The following FGGY variants were observed in gnomAD, a reference collection of about 807,000 sequenced individuals.
FGGY encodes the protein FGGY carbohydrate kinase domain-containing protein.
Under a neutral mutation model 71.3 loss-of-function variants are expected in FGGY, and 72 were observed. The observed-to-expected ratio is 1.01, with a 90% CI of 0.84 to 1.23. The LOEUF is 1.23. Among genes scored for constraint, FGGY ranks in the 50% most tolerant of loss-of-function variants. FGGY has a pLI of 0.00. For synonymous variants in FGGY, 251 were observed against 250.3 expected, an observed-to-expected ratio of 1.00 and a Z score of -0.02; for missense variants, 668 against 682.3, an observed-to-expected ratio of 0.98 and a Z score of 0.23.
chr1:59,594,114 A>C (rs2096490761), intron 8 of FGGY, among the ~76,000 whole-genome samples: 1 of 152,188 alleles, frequency 6.6e-6, no homozygotes, highest in Non-Finnish European at 1.5e-5. Flanking sequence ...TTGAGAACCC[A>C]GCAACCCTCA....
At chr1:59,304,645 G>C (rs1331391459) in intron 1 of FGGY, among the ~76,000 whole-genome samples, 6 of 151,814 alleles carry the variant, frequency 4.0e-5, no homozygotes, top group Non-Finnish European at 8.8e-5. Context: ...TGAATCTGCA[G>C]ATCACTTTGA....
intron 8 of FGGY, among the ~76,000 whole-genome samples, chr1:59,588,570 A>G (rs1400839357): frequency 1.3e-5 from 2 of 152,240 alleles, no homozygotes; most frequent in African/African-American, 4.8e-5. Flanking sequence ...AGGGAAGCCC[A>G]TCAGACTAAC....
chr1:59,718,001 G>T (rs1933213), intron 14 of FGGY, among the ~76,000 whole-genome samples: 118,522 of 152,022 alleles, frequency 0.78, 46,534 homozygotes, highest in Middle Eastern at 0.91. Context: ...CACACAGCTG[G>T]TATGTAGAGA....
chr1:59,596,228 T>G (rs924364722), intron 8 of FGGY, among the ~76,000 whole-genome samples: 1 of 152,060 alleles, frequency 6.6e-6, no homozygotes, highest in South Asian at 2.1e-4. Flanking sequence ...CACTTAACAT[T>G]TTTAGAAAAT....
chr1:59,300,993 AT>A (rs1391012815), intron 1 of FGGY, among the ~76,000 whole-genome samples: 1 of 152,138 alleles, frequency 6.6e-6, no homozygotes, highest in Non-Finnish European at 1.5e-5. Context: ...CACTTTGTCC[AT>A]TTCAAAATAA....
intron 9 of FGGY, among the ~76,000 whole-genome samples, chr1:59,612,090 G>T (rs893648607): frequency 6.6e-6 from 1 of 152,192 alleles, no homozygotes; most frequent in Non-Finnish European, 1.5e-5. Flanking sequence ...ATATTATCCA[G>T]AACTTCCCCA....
chr1:59,307,894 T>C (rs1369767034), intron 1 of FGGY, among the ~76,000 whole-genome samples: 1 of 152,196 alleles, frequency 6.6e-6, no homozygotes, highest in African/African-American at 2.4e-5. Flanking sequence ...AAACTATAGA[T>C]AGTTTGTTCC....
chr1:59,604,466 T>G (rs1044741146), intron 8 of FGGY, among the ~76,000 whole-genome samples: 1 of 152,158 alleles, frequency 6.6e-6, no homozygotes, highest in Non-Finnish European at 1.5e-5. Context: ...AGAGGTCAAC[T>G]CAAAACTTTC....
At chr1:59,468,583 A>G (rs2092768489) in intron 6 of FGGY, among the ~76,000 whole-genome samples, 1 of 152,152 alleles carries the variant, frequency 6.6e-6, no homozygotes. Context: ...TTGTAAGTAA[A>G]GAATCTTGGC....
At chr1:59,741,035 TTCAC>T (rs930637944) in intron 14 of FGGY, among the ~76,000 whole-genome samples, 3 of 152,216 alleles carry the variant, frequency 2.0e-5, no homozygotes, top group Non-Finnish European at 4.4e-5. Context: ...AATTCACCAG[TTCAC>T]TTACACTTTT....
chr1:59,552,744 C>T (rs1356237038), intron 7 of FGGY, among the ~76,000 whole-genome samples: 4 of 152,174 alleles, frequency 2.6e-5, no homozygotes, highest in African/African-American at 9.7e-5. Context: ...CACTGAAATA[C>T]TCCATTTAGG....
intron 11 of FGGY, among the ~76,000 whole-genome samples, chr1:59,657,030 T>G (rs897087292): frequency 2.0e-5 from 3 of 152,206 alleles, no homozygotes; most frequent in African/African-American, 7.2e-5. Context: ...ATACCAATGC[T>G]TTTTGGAAAT....
At chr1:59,637,461 C>T (rs148681331) in intron 10 of FGGY, among the ~76,000 whole-genome samples, 12 of 152,086 alleles carry the variant, frequency 7.9e-5, no homozygotes, top group East Asian at 7.7e-4. Flanking sequence ...GGTGAAACCC[C>T]GTCTCTACTA....
intron 6 of FGGY, among the ~76,000 whole-genome samples, chr1:59,511,630 G>C (rs2094520912): frequency 6.6e-6 from 1 of 150,764 alleles, no homozygotes; most frequent in African/African-American, 2.5e-5. Flanking sequence ...CTTAACTGAA[G>C]GCCTGACTGC....
At chr1:59,574,919 T>C (rs2096053537) in intron 8 of FGGY, among the ~76,000 whole-genome samples, 1 of 152,194 alleles carries the variant, frequency 6.6e-6, no homozygotes, top group African/African-American at 2.4e-5. Flanking sequence ...TTAATATAGG[T>C]TGCTGAGAAA....
intron 6 of FGGY, among the ~76,000 whole-genome samples, chr1:59,467,910 TG>T (rs1383443697): frequency 7.9e-6 from 1 of 126,936 alleles, no homozygotes; most frequent in African/African-American, 2.7e-5. Context: ...TGTTTTGTTT[TG>T]TTTTTTTTTG....
intron 6 of FGGY, among the ~76,000 whole-genome samples, chr1:59,503,723 GAGTT>G (rs2094301331): frequency 1.3e-5 from 2 of 150,286 alleles, no homozygotes; most frequent in East Asian, 1.9e-4. Flanking sequence ...AGGAACATGA[GAGTT>G]AGCAGGAATC....
chr1:59,600,752 G>A (rs1347712868), intron 8 of FGGY, among the ~76,000 whole-genome samples: 4 of 152,116 alleles, frequency 2.6e-5, no homozygotes, highest in Non-Finnish European at 5.9e-5. Flanking sequence ...GACAGATAAG[G>A]AAACTGAGTC....
At chr1:59,398,420 G>A (rs1255159267) in intron 5 of FGGY, among the ~76,000 whole-genome samples, 1 of 152,116 alleles carries the variant, frequency 6.6e-6, no homozygotes, top group African/African-American at 2.4e-5. Flanking sequence ...TGTATTTTTA[G>A]TAGAGATGGT....
Sources: gnomAD v4.1 joint callset for allele counts (sites outside exome capture counted in the v4.1 genomes callset) on GRCh38, gnomAD v4.1.1 for gene constraint, MANE v1.5 for transcripts, NCBI Gene and HGNC (gene_info 2026-07-23, HGNC 2026-07-21) for gene names.